Variants in DENND1A observed in about 807,000 individuals in gnomAD.
The protein encoded by DENND1A is DENN domain containing 1A.
DENND1A carries 51 observed loss-of-function variants against 113.7 expected under a neutral mutation model. The ratio of observed to expected loss-of-function variants is 0.45; its 90% CI spans 0.36 to 0.57. The LOEUF (loss-of-function observed/expected upper bound fraction) is 0.57. Ranked by LOEUF, DENND1A falls within the 20% of genes least tolerant of loss-of-function variation. DENND1A has a pLI of 0.00. For missense variants in DENND1A, 1,258 were observed against 1,395.9 expected (o/e 0.90, Z 1.57); for synonymous variants, 565 against 570.8 (o/e 0.99, Z 0.14).
In DENND1A at chr9:123,485,008, A is replaced by G. The variant is rs77402499; in HGVS notation, c.994-27111T>C. On this transcript the variant is annotated intron_variant, in intron 13 of 23. Transcript: ENST00000394215. ...GGCTACAGGCGACCTGATGTAGGGA[A>G]GTGGTGAGTGGTAGCCACTATAATT... is the stretch of plus-strand genomic sequence containing the variant. 8.0e-3 allele frequency among the ~76,000 whole-genome samples: 1,213 copies of G among 152,288 alleles called. 20 individuals carry two copies. The highest frequency in any genetic ancestry group is 0.027 in the African/African-American group (1,127 of 41,554).
chr9:123,837,599 A>G lies in DENND1A; in HGVS notation c.88+41352T>C, dbSNP rs561341139. On this transcript the variant is annotated intron_variant, in intron 2 of 23. Coordinates refer to ENST00000394215, the MANE Select transcript of DENND1A (RefSeq NM_001352964.2). ...TAGTTTTTCTGAAAACTGAGACACC[A>G]AACTATTTTAAAATTATTGTTCAAC... Among the ~76,000 whole-genome samples, 37 of 152,330 alleles carry G rather than the reference A, an allele frequency of 2.4e-4. No individual in the cohort carries two copies. The South Asian group carries it at 7.7e-3, about 32-fold the overall frequency.
intron 11 of DENND1A, among the ~76,000 whole-genome samples, chr9:123,584,372 C>T (rs536313328): frequency 6.6e-6 from 1 of 152,316 alleles, no homozygotes; most frequent in African/African-American, 2.4e-5. Flanking sequence ...CGCAGGTATG[C>T]ATTCCTCAGA....
rs2066750329 is a variant in DENND1A at position 123,713,244 on chromosome 9, T to G, written c.303-36455A>C. Among the ~76,000 whole-genome samples the G allele has an allele frequency of 2.0e-5, 3 of 152,300 alleles. No individual in the cohort carries two copies. In the South Asian group the frequency reaches 6.2e-4, roughly 32 times the overall value. The stretch of plus-strand genomic sequence containing the variant: ...GAACATATTAAAACTATTTGGCATG[T>G]GGGCCCAAATCAAACGGTACAGCAT... On this transcript the variant is annotated intron_variant, in intron 5 of 23. Coordinates refer to ENST00000394215, the MANE Select transcript of DENND1A (RefSeq NM_001352964.2).
intron 5 of DENND1A, among the ~76,000 whole-genome samples, chr9:123,721,590 G>C (rs778994485): frequency 2.0e-5 from 3 of 152,190 alleles, no homozygotes; most frequent in Non-Finnish European, 4.4e-5. Flanking sequence ...CCCATATGTC[G>C]TGGGAGCAAC....
rs1050225372 is a variant in DENND1A, at chr9:123,929,930, C to T, written c.-25G>A. ...TGGTCCCCAGGCCTCCTCATGGGCC[C>T]GCGGGCCCCGCTCGGCGCTGCGCTG... On this transcript the variant is annotated 5_prime_UTR_variant, in exon 1 of 24. Transcript: ENST00000394215. 10 of 336,038 alleles carry T rather than the reference C, an allele frequency of 3.0e-5. No individual in the cohort carries two copies. Among genetic ancestry groups the T allele is most frequent in the African/African-American group, 2.0e-4 (9 of 44,538 alleles). 20.8% of individuals were successfully genotyped at this position (336,038 alleles called of 1,614,324 possible). A position where few individuals can be genotyped will look rare whatever the true frequency, so the allele number is the denominator to read the frequency against.
chr9:123,469,316 T>C (rs1464543617), intron 13 of DENND1A, among the ~76,000 whole-genome samples: 1 of 152,210 alleles, frequency 6.6e-6, no homozygotes, highest in Non-Finnish European at 1.5e-5. Context: ...AGGGGAAATG[T>C]GGGTGTCAGC....
chr9:123,585,051 G>A (rs1295753619), intron 11 of DENND1A, among the ~76,000 whole-genome samples: 1 of 150,276 alleles, frequency 6.7e-6, no homozygotes, highest in African/African-American at 2.5e-5. Context: ...TTCCCAGCAG[G>A]AGGGTGGAGC....
intron 13 of DENND1A, among the ~76,000 whole-genome samples, chr9:123,537,978 CAG>C (rs770316209): frequency 5.3e-5 from 8 of 152,242 alleles, no homozygotes; most frequent in Non-Finnish European, 8.8e-5. Flanking sequence ...CAGTAACAGA[CAG>C]AGTCCCCTGA....
chr9:123,895,964 T>C (rs992732504), intron 1 of DENND1A, among the ~76,000 whole-genome samples: 4 of 152,066 alleles, frequency 2.6e-5, no homozygotes, highest in Non-Finnish European at 5.9e-5. Flanking sequence ...AAGGGAAATT[T>C]TTCCACCAGT....
intron 19 of DENND1A, among the ~76,000 whole-genome samples, chr9:123,433,268 T>G (rs1215983313): frequency 6.6e-6 from 1 of 152,206 alleles, no homozygotes; most frequent in African/African-American, 2.4e-5. Flanking sequence ...AGCTGAAACT[T>G]AAGTCCAGAA....
At chr9:123,918,638 T>G (rs1298019448) in intron 1 of DENND1A, among the ~76,000 whole-genome samples, 1 of 152,158 alleles carries the variant, frequency 6.6e-6, no homozygotes, top group Non-Finnish European at 1.5e-5. Context: ...AAAAATTACC[T>G]TTTGAAAATG....
intron 5 of DENND1A, among the ~76,000 whole-genome samples, chr9:123,745,071 T>C (rs2069375272): frequency 6.6e-6 from 1 of 152,250 alleles, no homozygotes; most frequent in South Asian, 2.1e-4. Flanking sequence ...CCACCGTGCC[T>C]GGCCTACTTA....
chr9:123,423,765 G>A (rs2045500506), intron 19 of DENND1A, among the ~76,000 whole-genome samples: 1 of 152,172 alleles, frequency 6.6e-6, no homozygotes, highest in Admixed American at 6.5e-5. Flanking sequence ...ACACGCTACT[G>A]TTTATTTATG....
chr9:123,396,183 C>T (rs924402510), intron 21 of DENND1A, among the ~76,000 whole-genome samples: 1 of 152,252 alleles, frequency 6.6e-6, no homozygotes, highest in African/African-American at 2.4e-5. Context: ...GATGCCAGTG[C>T]CTACTGTGGG....
At chr9:123,421,191 T>C (rs2045269797) in intron 19 of DENND1A, among the ~76,000 whole-genome samples, 1 of 151,022 alleles carries the variant, frequency 6.6e-6, no homozygotes, top group Non-Finnish European at 1.5e-5. Flanking sequence ...GGCTACTATT[T>C]TCTGACACTT....
intron 9 of DENND1A, among the ~76,000 whole-genome samples, chr9:123,632,957 G>T (rs1298017038): frequency 6.6e-6 from 1 of 151,922 alleles, no homozygotes; most frequent in Non-Finnish European, 1.5e-5. Flanking sequence ...ACCCAGGCTG[G>T]AGTGCAGTGG....
Position 123,722,542 on chromosome 9 carries a change from A to T in DENND1A, c.302+35161T>A, listed in dbSNP as rs545285678. On this transcript the variant is annotated intron_variant, in intron 5 of 23. Transcript: ENST00000394215. ...AGGTTTAGGAGGAAAAAATGGTTTC[A>T]TGGGCTGAGCCCTGGGTCCCTCTAC... Among the ~76,000 whole-genome samples, 5 of 152,300 alleles carry T rather than the reference A, an allele frequency of 3.3e-5. No individual in the cohort carries two copies. In the South Asian group the frequency reaches 1.0e-3, roughly 32 times the overall value.
chr9:123,414,504 G>C, intron 19 of DENND1A: 2 of 1,545,612 alleles, frequency 1.3e-6, no homozygotes, highest in Non-Finnish European at 8.7e-7. Flanking sequence ...GACGCATTGT[G>C]TGAAGGGAAA....
chr9:123,715,784 C>T (rs973213344), intron 5 of DENND1A, among the ~76,000 whole-genome samples: 10 of 152,062 alleles, frequency 6.6e-5, no homozygotes, highest in African/African-American at 2.4e-4. Flanking sequence ...TCCAGTGATC[C>T]TCTCAACTCA....
Sources: gnomAD v4.1 joint callset for allele counts (sites outside exome capture counted in the v4.1 genomes callset) on GRCh38, gnomAD v4.1.1 for gene constraint, MANE v1.5 for transcripts, NCBI Gene and HGNC (gene_info 2026-07-23, HGNC 2026-07-21) for gene names.